COL19A1: variants seen among roughly 807,000 people sequenced by gnomAD.
The protein encoded by COL19A1 is collagen alpha-1(XIX) chain.
Under a neutral mutation model 190.2 loss-of-function variants are expected in COL19A1, and 159 were observed. That is an observed-to-expected ratio of 0.84 (90% CI 0.73 to 0.95). The LOEUF is 0.95. COL19A1 is among the 40% of genes least tolerant of loss of function. The probability of loss-of-function intolerance (pLI) is 0.00; values close to 1 mark genes in which losing one functional copy is unlikely to be tolerated. For missense variants in COL19A1, 1,418 were observed against 1,431.9 expected (o/e 0.99, Z 0.16); for synonymous variants, 509 against 458.9 (o/e 1.11, Z -1.39).
intron 11 of COL19A1, among the ~76,000 whole-genome samples, chr6:70,007,287 A>T (rs909269726): frequency 1.3e-5 from 2 of 152,136 alleles, no homozygotes; most frequent in Non-Finnish European, 2.9e-5. Flanking sequence ...AAAGAATGTC[A>T]GATTGGATTT....
intron 27 of COL19A1, among the ~76,000 whole-genome samples, chr6:70,147,262 T>G (rs1786723964): frequency 6.6e-6 from 1 of 152,176 alleles, no homozygotes; most frequent in African/African-American, 2.4e-5. Context: ...GAAATTAATA[T>G]TTAAACTGGA....
At chr6:69,937,003 C>A in intron 8 of COL19A1, 93 bp downstream of exon 8, 3 of 1,500,734 alleles carry the variant, frequency 2.0e-6, no homozygotes, top group South Asian at 1.3e-5. Flanking sequence ...ATGTGTCTTG[C>A]CATTCAGTGT....
chr6:70,193,131 A>G (rs1350135287), intron 48 of COL19A1, among the ~76,000 whole-genome samples: 1 of 151,416 alleles, frequency 6.6e-6, no homozygotes, highest in Admixed American at 6.6e-5. Flanking sequence ...GTTGAGATAT[A>G]GAAGGTGTTC....
At chr6:70,193,688 T>C (rs1462311989) in intron 48 of COL19A1, among the ~76,000 whole-genome samples, 1 of 152,232 alleles carries the variant, frequency 6.6e-6, no homozygotes, top group Non-Finnish European at 1.5e-5. Flanking sequence ...GTGATAGCCC[T>C]TTCCTTTTGT....
intron 2 of COL19A1, among the ~76,000 whole-genome samples, chr6:69,880,095 ATGTTCATTT>A (rs1433150953): frequency 1.3e-5 from 2 of 152,248 alleles, no homozygotes; most frequent in African/African-American, 4.8e-5. Flanking sequence ...GTTTAATTAT[ATGTTCATTT>A]TGTAGTATCT....
At chr6:69,889,056 T>A (rs1013220308) in intron 2 of COL19A1, among the ~76,000 whole-genome samples, 7 of 152,242 alleles carry the variant, frequency 4.6e-5, no homozygotes, top group Non-Finnish European at 7.3e-5. Context: ...GCTCTTGTTT[T>A]GATTCGTTTA....
chr6:69,978,307 T>C (rs1254862042), intron 11 of COL19A1, among the ~76,000 whole-genome samples: 1 of 152,092 alleles, frequency 6.6e-6, no homozygotes, highest in Non-Finnish European at 1.5e-5. Context: ...AAAGAGATAA[T>C]GTTTTGCATT....
chr6:70,021,973 T>C (rs1778439878), intron 11 of COL19A1, among the ~76,000 whole-genome samples: 1 of 152,190 alleles, frequency 6.6e-6, no homozygotes, highest in Non-Finnish European at 1.5e-5. Flanking sequence ...TTTTGTATAT[T>C]GTATGCGTTT....
At chr6:69,958,390 C>T (rs996396322) in intron 9 of COL19A1, among the ~76,000 whole-genome samples, 33 of 152,136 alleles carry the variant, frequency 2.2e-4, no homozygotes, top group African/African-American at 8.0e-4. Flanking sequence ...GACAAGTGGA[C>T]ATACTTCTGT....
chr6:69,950,592 C>G (rs964964542), intron 9 of COL19A1, among the ~76,000 whole-genome samples: 1 of 151,356 alleles, frequency 6.6e-6, no homozygotes, highest in Non-Finnish European at 1.5e-5. Context: ...ACAGAAGGCT[C>G]TGTCAATCAA....
At position 70,149,702 on chromosome 6, in the gene COL19A1, A is replaced by G. The variant is rs1369570559; in HGVS notation, c.1894-2A>G. 2.5e-6 allele frequency: 4 copies of G among 1,613,314 alleles called. No individual in the cohort carries two copies. The highest frequency in any genetic ancestry group is 3.3e-5 in the Admixed American group (2 of 59,916). On this transcript the variant is annotated splice_acceptor_variant, in intron 27 of 50. Coordinates refer to ENST00000620364, the MANE Select transcript of COL19A1 (RefSeq NM_001858.6). LOFTEE classifies it high-confidence loss of function. The stretch of plus-strand genomic sequence containing the variant: ...TAATAATAAAATCTCATTTGTACTC[A>G]GGGCGCCCAAGGACCAGCTGGAGAG...
chr6:69,970,809 G>C (rs908088896), intron 11 of COL19A1, among the ~76,000 whole-genome samples: 4 of 152,064 alleles, frequency 2.6e-5, no homozygotes, highest in African/African-American at 9.7e-5. Flanking sequence ...TGTTTGATTT[G>C]ACAGCTGACT....
At position 70,207,994 on chromosome 6, in the gene COL19A1, G is replaced by A. The variant is rs1206863933; in HGVS notation, c.*720G>A. On this transcript the variant is annotated 3_prime_UTR_variant, in exon 51 of 51. Transcript: ENST00000620364. ...ATCACCACTGGCATGAATAAGTACT[G>A]CATGAAAAGGGAGTATCAAATTCCA... 1 of 152,148 alleles carries A rather than the reference G, an allele frequency of 6.6e-6. No homozygotes were observed. The highest frequency in any genetic ancestry group is 2.4e-5 in the African/African-American group (1 of 41,422). 9.4% of individuals were successfully genotyped at this position (152,148 alleles called of 1,614,324 possible).
At chr6:70,107,559 C>A (rs1386523721) in intron 16 of COL19A1, among the ~76,000 whole-genome samples, 1 of 152,168 alleles carries the variant, frequency 6.6e-6, no homozygotes, top group Non-Finnish European at 1.5e-5. Context: ...ATTCTGAACA[C>A]CCATTCACAC....
chr6:70,022,567 G>A (rs1043999459), intron 11 of COL19A1, among the ~76,000 whole-genome samples: 2 of 152,104 alleles, frequency 1.3e-5, no homozygotes, highest in African/African-American at 4.8e-5. Flanking sequence ...GACAATAGAA[G>A]TATACACTTT....
At chr6:70,074,319 T>C (rs965738307) in intron 15 of COL19A1, among the ~76,000 whole-genome samples, 15 of 151,884 alleles carry the variant, frequency 9.9e-5, no homozygotes, top group African/African-American at 3.6e-4. Context: ...GCCAACATGG[T>C]GAAACCCTGT....
intron 4 of COL19A1, among the ~76,000 whole-genome samples, chr6:69,925,472 T>A (rs886532278): frequency 1.3e-5 from 2 of 152,216 alleles, no homozygotes; most frequent in Admixed American, 6.5e-5. Context: ...AGTACCATGC[T>A]GTTTTGGTTA....
chr6:70,050,473 C>G (rs997113981), intron 14 of COL19A1, among the ~76,000 whole-genome samples: 4 of 152,008 alleles, frequency 2.6e-5, no homozygotes, highest in Middle Eastern at 3.2e-3. Flanking sequence ...ATCTTATTTA[C>G]AACTGTATCC....
At chr6:70,178,836 G>C (rs1048402590) in intron 42 of COL19A1, among the ~76,000 whole-genome samples, 7 of 152,036 alleles carry the variant, frequency 4.6e-5, no homozygotes, top group Non-Finnish European at 1.0e-4. Flanking sequence ...TTCTTTCTTT[G>C]CCTTACTCTG....
Sources: allele counts gnomAD v4.1 joint callset (sites outside exome capture counted in the v4.1 genomes callset), GRCh38; gene constraint gnomAD v4.1.1; transcripts MANE v1.5; gene names NCBI Gene and HGNC (gene_info 2026-07-23, HGNC 2026-07-21).